Variants in RGS22 observed in about 807,000 individuals in gnomAD.
RGS22 encodes regulator of G-protein signaling 22.
A neutral mutation model predicts 172.9 loss-of-function variants in RGS22; 148 were observed. The ratio of observed to expected loss-of-function variants is 0.86; its 90% CI spans 0.75 to 0.98. The LOEUF is 0.98. Ranked by LOEUF, RGS22 falls within the 50% of genes least tolerant of loss-of-function variation. The pLI, the probability that RGS22 is intolerant of heterozygous loss-of-function variation, is 0.00. For missense variants in RGS22, 1,347 were observed against 1,440.8 expected (o/e 0.93, Z 1.05); for synonymous variants, 458 against 480.2 (o/e 0.95, Z 0.60).
At position 100,002,249 on chromosome 8, in the gene RGS22, A is replaced by AT; in HGVS notation, c.2742dup (p.Tyr915IlefsTer30). 6.2e-7 allele frequency: 1 copy of AT among 1,609,492 alleles called. No homozygotes were observed. Among genetic ancestry groups the AT allele is most frequent in the South Asian group, 1.1e-5 (1 of 90,092 alleles). ...GCTGGACTGTTGGGTCCAAAGAAAT[A>AT]TTTTTTATTAAGGTATTTGTTTTTA... On this transcript the variant is annotated frameshift_variant, in exon 18 of 28. Coordinates refer to ENST00000360863, the MANE Select transcript of RGS22 (RefSeq NM_015668.5). LOFTEE classifies it high-confidence loss of function.
At chr8:100,030,771 C>T (rs1035541618) in intron 14 of RGS22, among the ~76,000 whole-genome samples, 1 of 152,030 alleles carries the variant, frequency 6.6e-6, no homozygotes, top group Non-Finnish European at 1.5e-5. Flanking sequence ...CTAGCAGGCT[C>T]TAATGGAAAA....
chr8:99,988,467 C>T (rs1813345604), intron 20 of RGS22, among the ~76,000 whole-genome samples: 1 of 152,094 alleles, frequency 6.6e-6, no homozygotes, highest in South Asian at 2.1e-4. Context: ...ATTGAATTCA[C>T]TAAATAGATT....
chr8:100,013,992 T>C (rs1032515649), intron 14 of RGS22, among the ~76,000 whole-genome samples: 76 of 152,218 alleles, frequency 5.0e-4, no homozygotes, highest in African/African-American at 1.7e-3. Flanking sequence ...TTATTTCTAA[T>C]CAATGCCATT....
chr8:100,080,250 G>A lies in RGS22; in HGVS notation c.223C>T (p.Gln75Ter), dbSNP rs754824558. 5 of 1,613,740 alleles carry A rather than the reference G, an allele frequency of 3.1e-6. No homozygotes were observed. The highest frequency in any genetic ancestry group is 1.1e-5 in the South Asian group (1 of 91,058). ...EKQLKKILQN[Q>*]QPRNPIYDVV... ...TCATAAATGGGATTTCGAGGTTGCT[G>A]GTTTTGTAGAATTTTTTTCAGTTGT... Residue 75 changes from glutamine to a stop codon, truncating the protein, a stop_gained, in exon 4 of 28, where the codon CAG becomes TAG. Transcript: ENST00000360863. LOFTEE classifies it high-confidence loss of function.
rs199787153 is a variant in RGS22, at chr8:100,062,345, GA to G, written c.1514+245del. 1.7e-3 allele frequency among the ~76,000 whole-genome samples: 244 copies of G among 143,136 alleles called. 1 individual carries two copies. Among genetic ancestry groups the G allele is most frequent in the Non-Finnish European group, 2.6e-3 (168 of 65,224 alleles). 93.9% of individuals were successfully genotyped at this position (143,136 alleles called of 152,430 possible). A position where few individuals can be genotyped will look rare whatever the true frequency, so the allele number is the denominator to read the frequency against. ...AAATAAATAAAACATAAATTCTGCTGAAAAAAAAAAAGAATATGCTCACCAA... is the reference window on the plus strand; with the variant it reads ...AAATAAATAAAACATAAATTCTGCTGAAAAAAAAAAGAATATGCTCACCAA... On this transcript the variant is annotated intron_variant, in intron 9 of 27. Transcript: ENST00000360863.
At chr8:100,052,402 C>T (rs932040891) in intron 10 of RGS22, among the ~76,000 whole-genome samples, 29 of 150,810 alleles carry the variant, frequency 1.9e-4, no homozygotes, top group African/African-American at 6.1e-4. Context: ...CCCGGATTCC[C>T]GCCATTCTCC....
At position 100,047,512 on chromosome 8, in the gene RGS22, G is replaced by C; in HGVS notation, c.1774C>G (p.Arg592Gly). ...VKTATQKPWK[R>G]ELLYPGSSKD... ...GAAGAACCTGGATACAAAAGCTCCCGCTTCCAAGGCTTTTGAGTTGCTGTT... is the reference window on the plus strand; with the variant it reads ...GAAGAACCTGGATACAAAAGCTCCCCCTTCCAAGGCTTTTGAGTTGCTGTT... The change falls in exon 11 of 28, where the codon CGG becomes GGG. Residue 592 changes from arginine to glycine, a missense_variant. Transcript: ENST00000360863. 6.2e-7 allele frequency: 1 copy of C among 1,612,252 alleles called. No individual in the cohort carries two copies. Among genetic ancestry groups the C allele is most frequent in the Non-Finnish European group, 8.5e-7 (1 of 1,179,248 alleles).
At chr8:100,019,887 ACT>A (rs1817415435) in intron 14 of RGS22, among the ~76,000 whole-genome samples, 1 of 149,620 alleles carries the variant, frequency 6.7e-6, no homozygotes, top group African/African-American at 2.5e-5. Context: ...CAAAAAAAGT[ACT>A]TTTTTTTTTT....
At chr8:99,986,426 T>C (rs898360773) in intron 21 of RGS22, among the ~76,000 whole-genome samples, 1 of 152,220 alleles carries the variant, frequency 6.6e-6, no homozygotes, top group African/African-American at 2.4e-5. Flanking sequence ...TTTGAAAGCA[T>C]TATGCTCCTA....
intron 14 of RGS22, among the ~76,000 whole-genome samples, chr8:100,036,861 A>C (rs1442251155): frequency 2.0e-5 from 3 of 152,134 alleles, no homozygotes; most frequent in Admixed American, 6.6e-5. Context: ...AGCCTGCCAA[A>C]GTACTGGGAT....
intron 21 of RGS22, among the ~76,000 whole-genome samples, chr8:99,983,351 C>T (rs1812748591): frequency 6.6e-6 from 1 of 152,154 alleles, no homozygotes; most frequent in South Asian, 2.1e-4. Context: ...AATGGTAGCT[C>T]TGTTTTAATT....
chr8:99,994,846 C>T (rs549388445), intron 20 of RGS22, among the ~76,000 whole-genome samples: 6 of 152,276 alleles, frequency 3.9e-5, no homozygotes, highest in East Asian at 1.9e-4. Context: ...GGAGGCATCA[C>T]GCTACCTGAC....
chr8:100,006,604 T>C (rs1222522332), intron 15 of RGS22, among the ~76,000 whole-genome samples: 3 of 152,216 alleles, frequency 2.0e-5, no homozygotes, highest in Non-Finnish European at 4.4e-5. Context: ...AATGTACTAC[T>C]TCATATAGTC....
intron 14 of RGS22, among the ~76,000 whole-genome samples, chr8:100,017,687 T>A (rs573559858): frequency 6.6e-6 from 1 of 152,288 alleles, no homozygotes; most frequent in East Asian, 1.9e-4. Flanking sequence ...AAAATCTTTA[T>A]AAAGATGATA....
intron 18 of RGS22, among the ~76,000 whole-genome samples, chr8:100,000,461 G>T (rs1256128358): frequency 6.6e-6 from 1 of 152,044 alleles, no homozygotes; most frequent in Non-Finnish European, 1.5e-5. Context: ...GGACTAGCAC[G>T]ATCTTTATAA....
chr8:100,083,280 T>C (rs1179191100), intron 3 of RGS22, among the ~76,000 whole-genome samples: 1 of 152,168 alleles, frequency 6.6e-6, no homozygotes, highest in Non-Finnish European at 1.5e-5. Flanking sequence ...GCGACCAGGT[T>C]TTATGTAAAA....
chr8:99,981,248 CTT>C (rs1235355125), intron 22 of RGS22, among the ~76,000 whole-genome samples: 9 of 152,250 alleles, frequency 5.9e-5, no homozygotes, highest in African/African-American at 2.2e-4. Flanking sequence ...AAAGAAGTAA[CTT>C]GAGCAGGTTA....
chr8:100,037,295 A>G (rs988235831), intron 14 of RGS22, among the ~76,000 whole-genome samples: 1 of 152,192 alleles, frequency 6.6e-6, no homozygotes, highest in Non-Finnish European at 1.5e-5. Context: ...TCCTGCCTCT[A>G]AAAAAGTAAA....
At chr8:99,990,520 G>C (rs887517596) in intron 20 of RGS22, among the ~76,000 whole-genome samples, 1 of 152,178 alleles carries the variant, frequency 6.6e-6, no homozygotes. Flanking sequence ...TTCTTGGCAT[G>C]CAACGTGGGG....
Sources: allele counts gnomAD v4.1 joint callset (sites outside exome capture counted in the v4.1 genomes callset), GRCh38; gene constraint gnomAD v4.1.1; transcripts MANE v1.5; gene names NCBI Gene and HGNC (gene_info 2026-07-23, HGNC 2026-07-21).